TRIM33: variants seen among roughly 807,000 people sequenced by gnomAD.
The protein encoded by TRIM33 is E3 ubiquitin-protein ligase TRIM33.
Under a neutral mutation model 125.4 loss-of-function variants are expected in TRIM33, and 20 were observed. That is an observed-to-expected ratio of 0.16 (90% CI 0.11 to 0.23). The LOEUF (loss-of-function observed/expected upper bound fraction) is 0.23. TRIM33 is among the 10% of genes least tolerant of loss of function. The pLI, the probability that TRIM33 is intolerant of heterozygous loss-of-function variation, is 1.00. For missense variants in TRIM33, 920 were observed against 1,411.4 expected, an observed-to-expected ratio of 0.65 and a Z score of 5.58; for synonymous variants, 564 against 513.9, an observed-to-expected ratio of 1.10 and a Z score of -1.32.
Position 114,397,607 on chromosome 1 carries a change from G to A in TRIM33, c.*41C>T, listed in dbSNP as rs201845720. 48 of 568,538 alleles carry A rather than the reference G, an allele frequency of 8.4e-5. No individual in the cohort carries two copies. The highest frequency in any genetic ancestry group is 5.5e-4 in the Middle Eastern group (1 of 1,808). The allele number at this position is 568,538 out of a possible 1,614,324, so 35.2% of individuals were successfully genotyped here. A position where few individuals can be genotyped will look rare whatever the true frequency, so the allele number is the denominator to read the frequency against. ...TTTTTGTGTTTTTTTTTTTTTTTTC[G>A]TTTTTTTTTTTTTAAACAATTGATT... On this transcript the variant is annotated 3_prime_UTR_variant, in exon 20 of 20. Coordinates refer to ENST00000358465, the MANE Select transcript of TRIM33 (RefSeq NM_015906.4).
At chr1:114,501,389 C>G (rs1220644126) in intron 1 of TRIM33, among the ~76,000 whole-genome samples, 1 of 152,046 alleles carries the variant, frequency 6.6e-6, no homozygotes, top group African/African-American at 2.4e-5. Context: ...TGCAGAAGAC[C>G]TCAATTTTTC....
chr1:114,465,965 C>A (rs1382382370), intron 1 of TRIM33, among the ~76,000 whole-genome samples: 2 of 151,962 alleles, frequency 1.3e-5, no homozygotes, highest in Non-Finnish European at 2.9e-5. Context: ...ATCGCTTGAA[C>A]CCGGGAGGTG....
chr1:114,481,855 G>A (rs1458674267), intron 1 of TRIM33, among the ~76,000 whole-genome samples: 2 of 151,938 alleles, frequency 1.3e-5, no homozygotes, highest in African/African-American at 4.8e-5. Flanking sequence ...CGCCTACCCA[G>A]TTCAAGTGAT....
chr1:114,504,145 TC>T (rs1325551159), intron 1 of TRIM33, among the ~76,000 whole-genome samples: 1 of 152,058 alleles, frequency 6.6e-6, no homozygotes, highest in African/African-American at 2.4e-5. Context: ...GGAGCCATTA[TC>T]CTTTTTTTTT....
At chr1:114,419,346 T>C (rs992406469) in intron 11 of TRIM33, among the ~76,000 whole-genome samples, 1 of 152,150 alleles carries the variant, frequency 6.6e-6, no homozygotes, top group Non-Finnish European at 1.5e-5. Context: ...ATTAAACTCT[T>C]TACTGCAGTG....
chr1:114,451,939 G>A (rs1649339727), intron 4 of TRIM33, among the ~76,000 whole-genome samples: 1 of 152,184 alleles, frequency 6.6e-6, no homozygotes, highest in African/African-American at 2.4e-5. Context: ...ATTATGGAAT[G>A]AAGCTAAATT....
At chr1:114,418,499 TG>T (rs1383290847) in intron 11 of TRIM33, among the ~76,000 whole-genome samples, 3 of 152,158 alleles carry the variant, frequency 2.0e-5, no homozygotes, top group Non-Finnish European at 4.4e-5. Flanking sequence ...ATTTAGTTTA[TG>T]GTTTACATAA....
In TRIM33 at chr1:114,431,736, T is replaced by C. The variant is rs1283208789; in HGVS notation, c.1041-824A>G. 3.3e-5 allele frequency among the ~76,000 whole-genome samples: 5 copies of C among 152,250 alleles called. No homozygotes were observed. The South Asian group carries it at 8.3e-4, about 25-fold the overall frequency. On this transcript the variant is annotated intron_variant, in intron 5 of 19. Transcript: ENST00000358465. ...CAAGTTCGAATTTAGTTAACTTTAA[T>C]ACACTCCAAGAAATAATGTAGTTTT...
rs66490349 is a variant in TRIM33, at chr1:114,397,589, G to GTTTTTTTTTTTTTTTTTT, written c.*58_*59insAAAAAAAAAAAAAAAAAA. The stretch of plus-strand genomic sequence containing the variant: ...CTTAAAAGTTTTCTGGGTTTTTTGT[G>GTTTTTTTTTTTTTTTTTT]TTTTTTTTTTTTTTTTCGTTTTTTT... On this transcript the variant is annotated 3_prime_UTR_variant, in exon 20 of 20. Coordinates refer to ENST00000358465, the MANE Select transcript of TRIM33 (RefSeq NM_015906.4). The GTTTTTTTTTTTTTTTTTT allele has an allele frequency of 1.7e-5, 11 of 640,656 alleles. No homozygotes were observed. The highest frequency in any genetic ancestry group is 3.9e-5 in the East Asian group (1 of 25,912). The allele number at this position is 640,656 out of a possible 1,614,324, so 39.7% of individuals were successfully genotyped here. A position where few individuals can be genotyped will look rare whatever the true frequency, so the allele number is the denominator to read the frequency against.
intron 1 of TRIM33, among the ~76,000 whole-genome samples, chr1:114,505,675 C>T (rs1652959068): frequency 6.6e-6 from 1 of 152,218 alleles, no homozygotes; most frequent in African/African-American, 2.4e-5. Flanking sequence ...TCAAGTGATT[C>T]TCCTACCTCG....
chr1:114,398,686 T>A (rs1181646704), intron 18 of TRIM33, among the ~76,000 whole-genome samples: 1 of 151,988 alleles, frequency 6.6e-6, no homozygotes, highest in Non-Finnish European at 1.5e-5. Context: ...GTAATAATCA[T>A]ATGGCACCCA....
At chr1:114,420,421 A>G (rs1653204722) in intron 11 of TRIM33, 1 of 1,335,452 alleles carries the variant, frequency 7.5e-7, no homozygotes, top group African/African-American at 1.5e-5. Context: ...CCAAACTCAT[A>G]CCAGGAGTGC....
intron 16 of TRIM33, among the ~76,000 whole-genome samples, chr1:114,401,875 G>T (rs1651916183): frequency 6.6e-6 from 1 of 152,162 alleles, no homozygotes. Flanking sequence ...TTCCAGTCAG[G>T]TTCAAAATGA....
At chr1:114,413,651 A>AAAAG (rs1171244795) in intron 11 of TRIM33, among the ~76,000 whole-genome samples, 10 of 149,214 alleles carry the variant, frequency 6.7e-5, no homozygotes, top group African/African-American at 2.5e-4. Flanking sequence ...AAAAAAAAAA[A>AAAAG]AGGTAAAACT....
chr1:114,433,549 C>T, intron 5 of TRIM33, 68 bp downstream of exon 5: 1 of 932,600 alleles, frequency 1.1e-6, no homozygotes, highest in East Asian at 2.5e-5. Flanking sequence ...AGCAGAAAAA[C>T]AGATTTAAAC....
intron 1 of TRIM33, among the ~76,000 whole-genome samples, chr1:114,471,740 A>T (rs1650669837): frequency 6.6e-6 from 1 of 152,356 alleles, no homozygotes; most frequent in African/African-American, 2.4e-5. Flanking sequence ...ATACTGTACA[A>T]CAATGAAGGA....
intron 1 of TRIM33, among the ~76,000 whole-genome samples, chr1:114,485,692 G>T (rs1651639779): frequency 6.6e-6 from 1 of 152,208 alleles, no homozygotes; most frequent in Non-Finnish European, 1.5e-5. Context: ...ACTTTTGCCA[G>T]GGTGGTGTCA....
intron 4 of TRIM33, among the ~76,000 whole-genome samples, chr1:114,435,136 A>T (rs1358189326): frequency 6.6e-6 from 1 of 152,238 alleles, no homozygotes; most frequent in African/African-American, 2.4e-5. Context: ...TGTAATAATC[A>T]CATTTACATT....
chr1:114,457,148 C>A (rs1187723943), intron 4 of TRIM33, among the ~76,000 whole-genome samples: 4 of 152,152 alleles, frequency 2.6e-5, no homozygotes, highest in Admixed American at 6.6e-5. Context: ...TTCAATGAGG[C>A]CTGATCAAAG....
Sources: allele counts gnomAD v4.1 joint callset (sites outside exome capture counted in the v4.1 genomes callset), GRCh38; gene constraint gnomAD v4.1.1; transcripts MANE v1.5; gene names NCBI Gene and HGNC (gene_info 2026-07-23, HGNC 2026-07-21).